The following TMOD3 variants were observed in gnomAD, a reference collection of about 807,000 sequenced individuals.
The protein encoded by TMOD3 is tropomodulin-3.
Under a neutral mutation model 39.2 loss-of-function variants are expected in TMOD3, and 20 were observed. That is an observed-to-expected ratio of 0.51 (90% CI 0.36 to 0.74). TMOD3 has a LOEUF of 0.74. TMOD3 is among the 30% of genes least tolerant of loss of function. The probability of loss-of-function intolerance (pLI) is 0.00; values close to 1 mark genes in which losing one functional copy is unlikely to be tolerated. For synonymous variants in TMOD3, 143 were observed against 145.8 expected (o/e 0.98, Z 0.14); for missense variants, 381 against 412.8 (o/e 0.92, Z 0.67).
chr15:51,860,655 G>A lies in TMOD3; in HGVS notation c.-74-2156G>A, dbSNP rs1414105051. 3 of 520,790 alleles carry A rather than the reference G, an allele frequency of 5.8e-6. No homozygotes were observed. The African/African-American group carries it at 5.8e-5, about 10-fold the overall frequency. 32.3% of individuals were successfully genotyped at this position (520,790 alleles called of 1,614,324 possible). On this transcript the variant is annotated intron_variant, in intron 1 of 9. Transcript: ENST00000308580. Reference sequence around the variant, plus strand: ...TTTCTTACAAAAAACTACATAGGAGGCCAGGCACGGTGGCTCATGCCTGTA... The same window carrying A: ...TTTCTTACAAAAAACTACATAGGAGACCAGGCACGGTGGCTCATGCCTGTA...
At chr15:51,870,362 A>G (rs2056469002) in intron 3 of TMOD3, among the ~76,000 whole-genome samples, 1 of 152,210 alleles carries the variant, frequency 6.6e-6, no homozygotes, top group South Asian at 2.1e-4. Context: ...GTTCACTCTT[A>G]CTTGGAATAC....
chr15:51,856,706 A>T (rs917039605), intron 1 of TMOD3, among the ~76,000 whole-genome samples: 1 of 152,154 alleles, frequency 6.6e-6, no homozygotes, highest in Non-Finnish European at 1.5e-5. Flanking sequence ...ATTCAGCAAA[A>T]TGCAAATTAA....
chr15:51,838,770 CTTCTG>C (rs971919040), intron 1 of TMOD3, among the ~76,000 whole-genome samples: 1 of 152,048 alleles, frequency 6.6e-6, no homozygotes, highest in African/African-American at 2.4e-5. Context: ...GCAGACTGAC[CTTCTG>C]TGCTTTCCCC....
chr15:51,856,000 C>T (rs1182616506), intron 1 of TMOD3, among the ~76,000 whole-genome samples: 1 of 152,148 alleles, frequency 6.6e-6, no homozygotes. Context: ...GGGTAGCTCA[C>T]GCCTGTAATC....
At chr15:51,860,123 C>G in intron 1 of TMOD3, 1 of 476,880 alleles carries the variant, frequency 2.1e-6, no homozygotes, top group Non-Finnish European at 4.1e-6. Context: ...GCTCTTCTCC[C>G]GTTTGTGACT....
chr15:51,863,690 T>C (rs2056430598), intron 2 of TMOD3, among the ~76,000 whole-genome samples: 1 of 152,200 alleles, frequency 6.6e-6, no homozygotes. Flanking sequence ...GTAATGGTTG[T>C]TTGCTAGGCT....
At chr15:51,876,545 T>C (rs915731880) in intron 3 of TMOD3, among the ~76,000 whole-genome samples, 2 of 150,104 alleles carry the variant, frequency 1.3e-5, no homozygotes, top group Non-Finnish European at 3.0e-5. Flanking sequence ...CACTGCAGGC[T>C]CCACCCCCTG....
intron 1 of TMOD3, among the ~76,000 whole-genome samples, chr15:51,858,789 A>T (rs982589255): frequency 1.3e-5 from 2 of 152,158 alleles, no homozygotes; most frequent in African/African-American, 4.8e-5. Context: ...TATGCTTTCC[A>T]TGTATTCTGG....
At chr15:51,899,690 T>G (rs1243377416) in intron 7 of TMOD3, among the ~76,000 whole-genome samples, 1 of 149,964 alleles carries the variant, frequency 6.7e-6, no homozygotes, top group Non-Finnish European at 1.5e-5. Flanking sequence ...GAAAGAAAAG[T>G]AGATACAGTC....
intron 2 of TMOD3, among the ~76,000 whole-genome samples, chr15:51,865,534 C>G (rs2056441108): frequency 6.6e-6 from 1 of 152,122 alleles, no homozygotes; most frequent in Non-Finnish European, 1.5e-5. Flanking sequence ...AATCCATGGC[C>G]TGCTTCTTGT....
intron 1 of TMOD3, among the ~76,000 whole-genome samples, chr15:51,853,084 A>G (rs1388105907): frequency 6.6e-6 from 1 of 152,214 alleles, no homozygotes; most frequent in Non-Finnish European, 1.5e-5. Flanking sequence ...CAAAATATCA[A>G]TTTATTAATA....
Position 51,894,569 on chromosome 15 carries a change from A to G in TMOD3, c.627+624A>G, listed in dbSNP as rs7172533. ...CAAAAGTTCTCTCATACCCCTTTGT[A>G]GTCATTCTCTGACCCCCAGCTCTAG... On this transcript the variant is annotated intron_variant, in intron 6 of 9. Coordinates refer to ENST00000308580, the MANE Select transcript of TMOD3 (RefSeq NM_014547.5). Among the ~76,000 whole-genome samples, 910 of 152,296 alleles carry G rather than the reference A, an allele frequency of 6.0e-3. 8 individuals are homozygous for G. The highest frequency in any genetic ancestry group is 0.021 in the African/African-American group (864 of 41,560).
At chr15:51,890,909 A>G (rs1228955199) in intron 5 of TMOD3, among the ~76,000 whole-genome samples, 1 of 152,144 alleles carries the variant, frequency 6.6e-6, no homozygotes, top group Non-Finnish European at 1.5e-5. Context: ...TGTTTTATTC[A>G]TCTTCTGTCT....
chr15:51,915,250 CCTCTA>C lies in TMOD3; in HGVS notation c.*6444_*6448del, dbSNP rs1178660786. On this transcript the variant is annotated 3_prime_UTR_variant, in exon 10 of 10. Transcript: ENST00000308580. ...GCAGTTTTTAGAAGTTTAAATTTCA[CCTCTA>C]CTCAGAAAGATAAGCTTTTGATTCA... is the stretch of plus-strand genomic sequence containing the variant. 6.6e-6 allele frequency: 1 copy of C among 151,938 alleles called. No homozygotes were observed. Among genetic ancestry groups the C allele is most frequent in the Non-Finnish European group, 1.5e-5 (1 of 67,982 alleles). The allele number at this position is 151,938 out of a possible 1,614,324, so 9.4% of individuals were successfully genotyped here. A position where few individuals can be genotyped will look rare whatever the true frequency, so the allele number is the denominator to read the frequency against.
chr15:51,848,313 G>C (rs572314416), intron 1 of TMOD3, among the ~76,000 whole-genome samples: 8 of 152,272 alleles, frequency 5.3e-5, no homozygotes, highest in African/African-American at 1.9e-4. Flanking sequence ...CCTTGCCTTT[G>C]AGGAATCTGC....
chr15:51,852,661 A>C (rs1238134368), intron 1 of TMOD3, among the ~76,000 whole-genome samples: 1 of 152,170 alleles, frequency 6.6e-6, no homozygotes, highest in African/African-American at 2.4e-5. Flanking sequence ...TTTGGGAGCA[A>C]GAGGATACTA....
intron 3 of TMOD3, among the ~76,000 whole-genome samples, chr15:51,870,204 G>T (rs2056468197): frequency 6.6e-6 from 1 of 152,188 alleles, no homozygotes; most frequent in Admixed American, 6.5e-5. Context: ...CTCCTAAAGT[G>T]CTGGGATTAC....
At chr15:51,839,933 A>G (rs1211140636) in intron 1 of TMOD3, among the ~76,000 whole-genome samples, 2 of 152,212 alleles carry the variant, frequency 1.3e-5, no homozygotes, top group African/African-American at 2.4e-5. Flanking sequence ...CCCCATTAGG[A>G]TATGATAAAA....
chr15:51,913,598 T>C lies in TMOD3; in HGVS notation c.*4788T>C, dbSNP rs1302595482. On this transcript the variant is annotated 3_prime_UTR_variant, in exon 10 of 10. Coordinates refer to ENST00000308580, the MANE Select transcript of TMOD3 (RefSeq NM_014547.5). ...AGAAATTTGATAATAAAACATATTT[T>C]ATTAATTTTAAACTCTATCTTGCAG... 6.6e-6 allele frequency: 1 copy of C among 152,244 alleles called. No individual in the cohort carries two copies. The highest frequency in any genetic ancestry group is 1.5e-5 in the Non-Finnish European group (1 of 68,042). The allele number at this position is 152,244 out of a possible 1,614,324, so 9.4% of individuals were successfully genotyped here.
Sources: allele counts gnomAD v4.1 joint callset (sites outside exome capture counted in the v4.1 genomes callset), GRCh38; gene constraint gnomAD v4.1.1; transcripts MANE v1.5; gene names NCBI Gene and HGNC (gene_info 2026-07-23, HGNC 2026-07-21).